The following JAKMIP2 variants were observed in gnomAD, a reference collection of about 807,000 sequenced individuals.
The protein encoded by JAKMIP2 is janus kinase and microtubule-interacting protein 2.
Under a neutral mutation model 115.0 loss-of-function variants are expected in JAKMIP2, and 25 were observed. That is an observed-to-expected ratio of 0.22 (90% CI 0.16 to 0.30). The LOEUF (loss-of-function observed/expected upper bound fraction) is 0.30, where lower values mean the gene tolerates loss of function less well. Ranked by LOEUF, JAKMIP2 falls within the 10% of genes least tolerant of loss-of-function variation. The probability of loss-of-function intolerance (pLI) is 1.00; values close to 1 mark genes in which losing one functional copy is unlikely to be tolerated. For missense variants in JAKMIP2, 642 were observed against 957.6 expected, an observed-to-expected ratio of 0.67 and a Z score of 4.35; for synonymous variants, 334 against 343.6, an observed-to-expected ratio of 0.97 and a Z score of 0.31.
At chr5:147,717,233 G>A (rs1753042034) in intron 1 of JAKMIP2, among the ~76,000 whole-genome samples, 1 of 89,038 alleles carries the variant, frequency 1.1e-5, no homozygotes, top group Non-Finnish European at 2.2e-5. Context: ...GTACCATGCT[G>A]TTTTGGTTAC....
rs1758009781 is a variant in JAKMIP2 at position 147,644,106 on chromosome 5, T to C, written c.1176A>G (p.Leu392=). ...TCTGTTGCTCAATGACCTGAAGTTT[T>C]AGAAACTCTGTTTCTTGTTCTTCAT... ...QANEEQETEF[L]KLQVIEQQNI... The change falls in exon 7 of 22, where the codon CTA becomes CTG. Residue 392 remains leucine, a synonymous_variant. Coordinates refer to ENST00000616793, the MANE Select transcript of JAKMIP2 (RefSeq NM_001270941.2). 1.2e-6 allele frequency: 2 copies of C among 1,608,508 alleles called. No homozygotes were observed. The highest frequency in any genetic ancestry group is 2.2e-5 in the East Asian group (1 of 44,706).
chr5:147,653,054 C>T (rs1171587813), intron 3 of JAKMIP2, among the ~76,000 whole-genome samples: 1 of 152,132 alleles, frequency 6.6e-6, no homozygotes, highest in African/African-American at 2.4e-5. Context: ...TTTTTTATGG[C>T]TGCATAGTAT....
intron 1 of JAKMIP2, among the ~76,000 whole-genome samples, chr5:147,751,256 G>GTTTTTTTTTTTTTTT (rs59032563): frequency 5.3e-5 from 7 of 131,596 alleles, no homozygotes; most frequent in East Asian, 2.3e-4. Flanking sequence ...TTTTGTTGTT[G>GTTTTTTTTTTTTTTT]TTTTTTTTTT....
intron 1 of JAKMIP2, among the ~76,000 whole-genome samples, chr5:147,692,370 G>C (rs574648175): frequency 3.9e-5 from 6 of 152,164 alleles, no homozygotes; most frequent in Non-Finnish European, 5.9e-5. Flanking sequence ...CCAGAACTGT[G>C]AGAGGATACA....
At chr5:147,627,466 T>G (rs1581315373) in intron 16 of JAKMIP2, among the ~76,000 whole-genome samples, 1 of 151,866 alleles carries the variant, frequency 6.6e-6, no homozygotes, top group South Asian at 2.1e-4. Flanking sequence ...TAGATAAGAC[T>G]CAAATCCCAG....
intron 17 of JAKMIP2, 24 bp from the exon 18 acceptor site, chr5:147,620,767 A>T (rs756609945): frequency 6.4e-7 from 1 of 1,558,048 alleles, no homozygotes; most frequent in South Asian, 1.1e-5. Context: ...CCATATTGAT[A>T]GAGTCAGCTT....
chr5:147,670,990 G>C (rs1309917011), intron 2 of JAKMIP2, among the ~76,000 whole-genome samples: 1 of 152,198 alleles, frequency 6.6e-6, no homozygotes, highest in Non-Finnish European at 1.5e-5. Context: ...CCTGACAATG[G>C]GGAAGTGTTC....
chr5:147,716,107 T>C (rs1752978385), intron 1 of JAKMIP2, among the ~76,000 whole-genome samples: 1 of 147,548 alleles, frequency 6.8e-6, no homozygotes, highest in Non-Finnish European at 1.5e-5. Flanking sequence ...TGGTTTTTTG[T>C]TCTTGTGATA....
intron 2 of JAKMIP2, among the ~76,000 whole-genome samples, chr5:147,670,337 T>G (rs971021508): frequency 6.6e-6 from 1 of 152,226 alleles, no homozygotes; most frequent in African/African-American, 2.4e-5. Flanking sequence ...ATTTGTTGGC[T>G]TGTGACTATT....
chr5:147,591,870 C>G (rs1755112687), intron 21 of JAKMIP2, among the ~76,000 whole-genome samples, 184 bp from the exon 22 acceptor site: 1 of 152,118 alleles, frequency 6.6e-6, no homozygotes, highest in African/African-American at 2.4e-5. Flanking sequence ...ATAGAAGTCT[C>G]TATGTCAAAG....
At chr5:147,780,614 G>A (rs1179911469) in intron 1 of JAKMIP2, among the ~76,000 whole-genome samples, 1 of 152,128 alleles carries the variant, frequency 6.6e-6, no homozygotes, top group East Asian at 1.9e-4. Flanking sequence ...GCACAAAGTA[G>A]CATGAGTTTA....
intron 1 of JAKMIP2, among the ~76,000 whole-genome samples, chr5:147,760,566 T>G (rs185809326): frequency 2.6e-5 from 4 of 152,178 alleles, no homozygotes; most frequent in East Asian, 1.9e-4. Flanking sequence ...CATAGTTTGT[T>G]AAGGATTTGA....
intron 16 of JAKMIP2, among the ~76,000 whole-genome samples, chr5:147,627,958 G>C (rs1431089996): frequency 2.7e-5 from 4 of 149,568 alleles, no homozygotes; most frequent in African/African-American, 9.8e-5. Context: ...CTGATTGCTT[G>C]CTCTCATTTT....
chr5:147,692,617 T>G (rs1326473192), intron 1 of JAKMIP2, among the ~76,000 whole-genome samples: 5 of 152,240 alleles, frequency 3.3e-5, no homozygotes, highest in Non-Finnish European at 7.3e-5. Context: ...GGAGGGTGTT[T>G]GCTCATATGA....
intron 1 of JAKMIP2, among the ~76,000 whole-genome samples, chr5:147,677,877 T>A (rs1400584622): frequency 6.6e-6 from 1 of 152,194 alleles, no homozygotes; most frequent in Non-Finnish European, 1.5e-5. Flanking sequence ...ACAACACATT[T>A]CTATTAACTA....
At chr5:147,750,590 A>ACACT (rs2127020021) in intron 1 of JAKMIP2, among the ~76,000 whole-genome samples, 1 of 151,928 alleles carries the variant, frequency 6.6e-6, no homozygotes, top group Admixed American at 6.6e-5. Context: ...ACACACACAC[A>ACACT]CACAAAAGAA....
At chr5:147,691,555 T>G (rs891817657) in intron 1 of JAKMIP2, among the ~76,000 whole-genome samples, 1 of 152,358 alleles carries the variant, frequency 6.6e-6, no homozygotes, top group South Asian at 2.1e-4. Context: ...AATCATGCAC[T>G]TACCCAAGGC....
intron 1 of JAKMIP2, among the ~76,000 whole-genome samples, chr5:147,678,557 T>C (rs1760095109): frequency 6.6e-6 from 1 of 152,310 alleles, no homozygotes; most frequent in African/African-American, 2.4e-5. Flanking sequence ...TTTCATATCT[T>C]GGTTATTCTG....
At chr5:147,614,507 TACCAAGTTC>T (rs1756480247) in intron 19 of JAKMIP2, among the ~76,000 whole-genome samples, 1 of 152,232 alleles carries the variant, frequency 6.6e-6, no homozygotes, top group Non-Finnish European at 1.5e-5. Context: ...TCTCTACTGA[TACCAAGTTC>T]ACCAAGTCAT....
Sources: allele counts gnomAD v4.1 joint callset (sites outside exome capture counted in the v4.1 genomes callset), GRCh38; gene constraint gnomAD v4.1.1; transcripts MANE v1.5; gene names NCBI Gene and HGNC (gene_info 2026-07-23, HGNC 2026-07-21).